Variants in RORA observed in about 807,000 individuals in gnomAD.
RORA encodes the protein nuclear receptor ROR-alpha.
A neutral mutation model predicts 69.5 loss-of-function variants in RORA; 7 were observed. That is an observed-to-expected ratio of 0.10 (90% CI 0.06 to 0.19). RORA has a LOEUF of 0.19. Among genes scored for constraint, RORA ranks in the 10% least tolerant of loss-of-function variants. The probability of loss-of-function intolerance (pLI) is 1.00; values close to 1 mark genes in which losing one functional copy is unlikely to be tolerated. For missense variants in RORA, 457 were observed against 663.0 expected (o/e 0.69, Z 3.41); for synonymous variants, 261 against 240.8 (o/e 1.08, Z -0.78).
chr15:60,744,187 T>C (rs1258114402), intron 1 of RORA, among the ~76,000 whole-genome samples: 1 of 152,116 alleles, frequency 6.6e-6, no homozygotes, highest in Non-Finnish European at 1.5e-5. Flanking sequence ...TCAGAAAATC[T>C]GCCGTAAGCT....
chr15:61,013,325 C>T lies in RORA; in HGVS notation c.166+215728G>A, dbSNP rs573330364. On this transcript the variant is annotated intron_variant, in intron 1 of 10. Transcript: ENST00000335670. Reference sequence around the variant, plus strand: ...GAACTGCCTCTGGCTGCTTTTGTTGCGGAGTTGTGACAGAGACCGCATGGC... The same window carrying T: ...GAACTGCCTCTGGCTGCTTTTGTTGTGGAGTTGTGACAGAGACCGCATGGC... Among the ~76,000 whole-genome samples, 12 of 152,164 alleles carry T rather than the reference C, an allele frequency of 7.9e-5. No individual in the cohort carries two copies. In the South Asian group the frequency reaches 1.9e-3, roughly 24 times the overall value.
intron 1 of RORA, among the ~76,000 whole-genome samples, chr15:61,139,034 C>T (rs1307273681): frequency 6.6e-6 from 1 of 151,730 alleles, no homozygotes; most frequent in Non-Finnish European, 1.5e-5. Flanking sequence ...GTCCCAGGTA[C>T]TCGGGAGGCT....
rs116888495 is a variant in RORA, at chr15:60,916,826, G to A, written c.167-238140C>T. Among the ~76,000 whole-genome samples the A allele has an allele frequency of 1.5e-4, 23 of 152,308 alleles. No individual in the cohort carries two copies. The East Asian group carries it at 4.4e-3, about 29-fold the overall frequency. ...AGGAGTTAACTGCACGGTGAGCCCT[G>A]ATCTGTATCACACACTCAGGGCCTA... On this transcript the variant is annotated intron_variant, in intron 1 of 10. Coordinates refer to ENST00000335670, the MANE Select transcript of RORA (RefSeq NM_134261.3).
chr15:60,758,378 C>G (rs551821254), intron 1 of RORA, among the ~76,000 whole-genome samples: 1 of 152,210 alleles, frequency 6.6e-6, no homozygotes, highest in East Asian at 1.9e-4. Flanking sequence ...CCATTTGTAA[C>G]AAGTTACACG....
intron 1 of RORA, among the ~76,000 whole-genome samples, chr15:60,724,361 T>C (rs994111114): frequency 6.6e-6 from 1 of 152,212 alleles, no homozygotes; most frequent in Non-Finnish European, 1.5e-5. Flanking sequence ...ATTGTTACAA[T>C]TATTATCCCT....
At chr15:60,651,024 C>T (rs1483113936) in intron 2 of RORA, among the ~76,000 whole-genome samples, 1 of 152,096 alleles carries the variant, frequency 6.6e-6, no homozygotes, top group Admixed American at 6.5e-5. Context: ...GCCACACAGC[C>T]CCTGACCACT....
At chr15:60,871,733 C>T (rs1307956148) in intron 1 of RORA, among the ~76,000 whole-genome samples, 2 of 152,190 alleles carry the variant, frequency 1.3e-5, no homozygotes, top group African/African-American at 4.8e-5. Flanking sequence ...TTCCATATAC[C>T]ACAACCATGC....
At chr15:60,720,292 C>T (rs1417397738) in intron 1 of RORA, among the ~76,000 whole-genome samples, 2 of 152,162 alleles carry the variant, frequency 1.3e-5, no homozygotes, top group Admixed American at 6.5e-5. Flanking sequence ...CCATTCACCC[C>T]ACAAGATGTA....
chr15:60,629,494 T>C (rs1029801729), intron 2 of RORA, among the ~76,000 whole-genome samples: 3 of 152,164 alleles, frequency 2.0e-5, no homozygotes, highest in South Asian at 2.1e-4. Context: ...GCAGAGCACA[T>C]AGTGGTTCTC....
chr15:60,627,664 T>C (rs1200537591), intron 2 of RORA: 2 of 386,124 alleles, frequency 5.2e-6, no homozygotes, highest in African/African-American at 2.2e-5. Context: ...ACCAAATAGT[T>C]TGAAAAAATT....
At chr15:61,099,970 A>C (rs1274433203) in intron 1 of RORA, among the ~76,000 whole-genome samples, 1 of 152,194 alleles carries the variant, frequency 6.6e-6, no homozygotes, top group African/African-American at 2.4e-5. Context: ...TGTCAAACTT[A>C]ATTTAAAAAG....
chr15:60,836,601 C>T (rs942040697), intron 1 of RORA, among the ~76,000 whole-genome samples: 3 of 152,158 alleles, frequency 2.0e-5, no homozygotes, highest in African/African-American at 7.2e-5. Flanking sequence ...CTGAACACTT[C>T]CACCCACACG....
chr15:61,007,797 G>C (rs1894958002), intron 1 of RORA, among the ~76,000 whole-genome samples: 1 of 145,422 alleles, frequency 6.9e-6, no homozygotes, highest in Non-Finnish European at 1.5e-5. Context: ...TTTAACATTA[G>C]GCTGTTACAT....
chr15:60,875,656 A>T (rs967996197), intron 1 of RORA, among the ~76,000 whole-genome samples: 1 of 152,212 alleles, frequency 6.6e-6, no homozygotes, highest in East Asian at 1.9e-4. Flanking sequence ...GAGTTAACCA[A>T]ATCTTTCTGT....
intron 1 of RORA, among the ~76,000 whole-genome samples, chr15:60,899,246 A>T (rs1413320577): frequency 6.6e-6 from 1 of 152,188 alleles, no homozygotes; most frequent in Non-Finnish European, 1.5e-5. Context: ...TGCATATACC[A>T]GTTTCAAACA....
chr15:60,598,109 A>C (rs1241009124), intron 2 of RORA, among the ~76,000 whole-genome samples: 2 of 152,144 alleles, frequency 1.3e-5, no homozygotes, highest in East Asian at 3.9e-4. Context: ...AGGAGGATTA[A>C]ACAGTATACA....
intron 1 of RORA, among the ~76,000 whole-genome samples, chr15:60,947,574 T>C (rs979948501): frequency 2.9e-4 from 44 of 151,518 alleles, no homozygotes; most frequent in African/African-American, 1.0e-3. Context: ...CAGGGTCCTC[T>C]GCCTAGGAAA....
intron 1 of RORA, among the ~76,000 whole-genome samples, chr15:61,081,826 A>C (rs1391297251): frequency 6.6e-6 from 1 of 151,908 alleles, no homozygotes; most frequent in Non-Finnish European, 1.5e-5. Flanking sequence ...AAAAAAAAGA[A>C]AGAAAGAAAG....
intron 1 of RORA, among the ~76,000 whole-genome samples, chr15:61,180,955 T>C (rs1292970914): frequency 6.6e-6 from 1 of 151,984 alleles, no homozygotes; most frequent in African/African-American, 2.4e-5. Context: ...AATATAAAAA[T>C]TATCTGGGTG....
Sources: allele counts gnomAD v4.1 joint callset (sites outside exome capture counted in the v4.1 genomes callset), GRCh38; gene constraint gnomAD v4.1.1; transcripts MANE v1.5; gene names NCBI Gene and HGNC (gene_info 2026-07-23, HGNC 2026-07-21).